Variants in KDM2A observed in about 807,000 individuals in gnomAD.
The protein encoded by KDM2A is lysine demethylase 2A.
Under a neutral mutation model 137.3 loss-of-function variants are expected in KDM2A, and 3 were observed. The observed-to-expected ratio is 0.02, with a 90% CI of 0.01 to 0.06. KDM2A has a LOEUF of 0.06. Ranked by LOEUF, KDM2A falls within the 10% of genes least tolerant of loss-of-function variation. KDM2A has a pLI of 1.00. For missense variants in KDM2A, 738 were observed against 1,510.6 expected (o/e 0.49, Z 8.48); for synonymous variants, 512 against 541.5 (o/e 0.95, Z 0.76).
At chr11:67,121,169 T>G in intron 1 of KDM2A, 65 bp from the exon 2 acceptor site, 1 of 661,470 alleles carries the variant, frequency 1.5e-6, no homozygotes. Flanking sequence ...AATACTCCTT[T>G]CCGTGAACAG....
chr11:67,215,080 TAATG>T (rs570832000), intron 6 of KDM2A, among the ~76,000 whole-genome samples: 50 of 152,326 alleles, frequency 3.3e-4, no homozygotes, highest in Non-Finnish European at 6.6e-4. Context: ...ATTGCATAAT[TAATG>T]ATTCCATTTT....
At chr11:67,214,354 G>A (rs1034719609) in intron 6 of KDM2A, among the ~76,000 whole-genome samples, 2 of 151,956 alleles carry the variant, frequency 1.3e-5, no homozygotes, top group African/African-American at 2.4e-5. Context: ...ACGGGCGCCC[G>A]CCACCACGCC....
At chr11:67,216,245 G>A (rs1252805918) in intron 8 of KDM2A, among the ~76,000 whole-genome samples, 2 of 152,110 alleles carry the variant, frequency 1.3e-5, no homozygotes, top group Non-Finnish European at 2.9e-5. Flanking sequence ...GATTTTAGAA[G>A]GACAAGATAA....
At chr11:67,121,400 T>G in intron 2 of KDM2A, 42 bp downstream of exon 2, 1 of 1,576,512 alleles carries the variant, frequency 6.3e-7, no homozygotes, top group South Asian at 1.1e-5. Flanking sequence ...AGTTTTAAAG[T>G]AGGATAACTA....
In KDM2A at chr11:67,245,672, C is replaced by G; in HGVS notation, c.1833+214C>G. 1 of 624,386 alleles carries G rather than the reference C, an allele frequency of 1.6e-6. No individual in the cohort carries two copies. The highest frequency in any genetic ancestry group is 2.7e-6 in the Non-Finnish European group (1 of 365,488). The allele number at this position is 624,386 out of a possible 1,614,324, so 38.7% of individuals were successfully genotyped here. A position where few individuals can be genotyped will look rare whatever the true frequency, so the allele number is the denominator to read the frequency against. Reference sequence around the variant, plus strand: ...TAATCTTTAGGCTTTACCTAATTTTCAAACAAGAGATTAGCATTTGAAGGG... The same window carrying G: ...TAATCTTTAGGCTTTACCTAATTTTGAAACAAGAGATTAGCATTTGAAGGG... On this transcript the variant is annotated intron_variant, in intron 14 of 20. Transcript: ENST00000529006. The surrounding 1 kb of genome is among the most constrained non-coding windows in gnomAD (Gnocchi z 4.1).
intron 6 of KDM2A, among the ~76,000 whole-genome samples, chr11:67,213,116 G>A (rs1858042299): frequency 6.6e-6 from 1 of 152,308 alleles, no homozygotes; most frequent in Non-Finnish European, 1.5e-5. Flanking sequence ...TGTCAGTGGT[G>A]ATGCTTTCTA....
chr11:67,145,280 T>C (rs1171574899), intron 2 of KDM2A, among the ~76,000 whole-genome samples: 2 of 150,844 alleles, frequency 1.3e-5, no homozygotes, highest in African/African-American at 4.9e-5. Context: ...AGGTCAGGAG[T>C]TCGAGACCAG....
intron 5 of KDM2A, among the ~76,000 whole-genome samples, chr11:67,188,355 G>A (rs1255216161): frequency 3.3e-5 from 5 of 151,698 alleles, no homozygotes; most frequent in Non-Finnish European, 7.4e-5. Context: ...GGTGGCAGGC[G>A]CCTGTAGTCC....
chr11:67,192,402 C>T (rs1193576396), intron 5 of KDM2A, among the ~76,000 whole-genome samples: 2 of 151,452 alleles, frequency 1.3e-5, no homozygotes, highest in Non-Finnish European at 2.9e-5. Flanking sequence ...TACCCATTCC[C>T]CACCAATGGA....
At chr11:67,134,425 G>A (rs1277214505) in intron 2 of KDM2A, among the ~76,000 whole-genome samples, 1 of 152,160 alleles carries the variant, frequency 6.6e-6, no homozygotes, top group Admixed American at 6.5e-5. Context: ...GATGTAAAGG[G>A]AAATACCCAG....
At chr11:67,253,708 C>A in intron 19 of KDM2A, 97 bp downstream of exon 19, 1 of 1,286,378 alleles carries the variant, frequency 7.8e-7, no homozygotes, top group Non-Finnish European at 1.1e-6. Flanking sequence ...TCAGATATGA[C>A]GCTGTGGAAG....
At chr11:67,182,396 T>C (rs1857110256) in intron 5 of KDM2A, among the ~76,000 whole-genome samples, 1 of 152,130 alleles carries the variant, frequency 6.6e-6, no homozygotes, top group African/African-American at 2.4e-5. Context: ...AGCAAATTAA[T>C]CTAATTAAAG....
chr11:67,162,466 G>C (rs182505445), intron 2 of KDM2A, among the ~76,000 whole-genome samples: 6 of 152,084 alleles, frequency 3.9e-5, no homozygotes, highest in African/African-American at 1.4e-4. Context: ...GTGCAGTGGC[G>C]TGACCTCAGC....
At chr11:67,156,899 A>G (rs147666031) in intron 2 of KDM2A, among the ~76,000 whole-genome samples, 59 of 151,670 alleles carry the variant, frequency 3.9e-4, no homozygotes, top group African/African-American at 1.4e-3. Context: ...CAAAAAGAAA[A>G]TATGAAATAG....
At chr11:67,222,126 G>T (rs1411769396) in intron 10 of KDM2A, among the ~76,000 whole-genome samples, 22 of 117,164 alleles carry the variant, frequency 1.9e-4, no homozygotes, top group African/African-American at 7.0e-4. Flanking sequence ...CACAGAGGGG[G>T]ATTTGGCAGG....
At chr11:67,178,844 G>A (rs972187814) in intron 2 of KDM2A, among the ~76,000 whole-genome samples, 49 of 152,304 alleles carry the variant, frequency 3.2e-4, no homozygotes, top group African/African-American at 1.2e-3. Flanking sequence ...AATAACACTA[G>A]TGTAAACATT....
At chr11:67,143,246 A>T (rs563348132) in intron 2 of KDM2A, 1 of 151,920 alleles carries the variant, frequency 6.6e-6, no homozygotes, top group African/African-American at 2.4e-5. Context: ...ACCTCAGGTG[A>T]TCCTCCCGCC....
intron 5 of KDM2A, among the ~76,000 whole-genome samples, chr11:67,193,401 G>C (rs1857403345): frequency 1.3e-5 from 2 of 152,128 alleles, no homozygotes; most frequent in African/African-American, 4.8e-5. Flanking sequence ...GACTATTTGG[G>C]CCATCTATTT....
At chr11:67,137,904 T>C (rs1856003724) in intron 2 of KDM2A, among the ~76,000 whole-genome samples, 1 of 152,078 alleles carries the variant, frequency 6.6e-6, no homozygotes, top group Non-Finnish European at 1.5e-5. Flanking sequence ...TTCAAGTGAT[T>C]CTTCTGCCTC....
Sources: gnomAD v4.1 joint callset for allele counts (sites outside exome capture counted in the v4.1 genomes callset) on GRCh38, gnomAD v4.1.1 for gene constraint, Gnocchi (gnomAD v3.1) non-coding constraint, MANE v1.5 for transcripts, NCBI Gene and HGNC (gene_info 2026-07-23, HGNC 2026-07-21) for gene names.